Variants in AP4S1 observed in about 807,000 individuals in gnomAD.
AP4S1 encodes AP-4 complex subunit sigma-1.
AP4S1 carries 23 observed loss-of-function variants against 19.8 expected under a neutral mutation model. That is an observed-to-expected ratio of 1.16 (90% CI 0.84 to 1.65). AP4S1 has a LOEUF of 1.65. Among genes scored for constraint, AP4S1 ranks in the 40% most tolerant of loss-of-function variants. The pLI is 0.00. For synonymous variants in AP4S1, 46 were observed against 54.1 expected (o/e 0.85, Z 0.66); for missense variants, 166 against 172.8 (o/e 0.96, Z 0.22).
intron 5 of AP4S1, among the ~76,000 whole-genome samples, chr14:31,089,705 A>G (rs1437875875): frequency 6.6e-6 from 1 of 152,182 alleles, no homozygotes; most frequent in African/African-American, 2.4e-5. Context: ...ACTTGAGGTC[A>G]GGAGTTATAG....
chr14:31,052,225 T>C (rs1194057385), intron 1 of AP4S1, among the ~76,000 whole-genome samples: 2 of 151,998 alleles, frequency 1.3e-5, no homozygotes, highest in African/African-American at 2.4e-5. Flanking sequence ...TGAGCCATGA[T>C]TGCGCCACTG....
rs112190538 is a variant in AP4S1 at position 31,056,548 on chromosome 14, G to A, written c.-71-9578G>A. On this transcript the variant is annotated intron_variant, in intron 1 of 5. Transcript: ENST00000542754. ...TAATCTTTGTACTTTTAGTAGAGATGGGGTTTCGCCATGTTGGCCACACTG... is the reference window on the plus strand; with the variant it reads ...TAATCTTTGTACTTTTAGTAGAGATAGGGTTTCGCCATGTTGGCCACACTG... Among the ~76,000 whole-genome samples, 274 of 152,050 alleles carry A rather than the reference G, an allele frequency of 1.8e-3. 2 individuals carry two copies. The highest frequency in any genetic ancestry group is 6.1e-3 in the African/African-American group (253 of 41,474).
At chr14:31,061,445 C>G (rs755172724) in intron 1 of AP4S1, among the ~76,000 whole-genome samples, 1 of 152,084 alleles carries the variant, frequency 6.6e-6, no homozygotes, top group East Asian at 1.9e-4. Flanking sequence ...TTCTGACAGC[C>G]GAGCATTTAG....
chr14:31,025,878 C>T (rs1410505677), intron 1 of AP4S1, 91 bp downstream of exon 1: 1 of 1,589,520 alleles, frequency 6.3e-7, no homozygotes, highest in Non-Finnish European at 8.5e-7. Context: ...CGCCGCAGCT[C>T]CCGCACACCG....
At chr14:31,052,931 TA>T (rs1323083029) in intron 1 of AP4S1, among the ~76,000 whole-genome samples, 4 of 133,762 alleles carry the variant, frequency 3.0e-5, no homozygotes, top group African/African-American at 1.1e-4. Flanking sequence ...GTCAGTGTGC[TA>T]AATTTTTTTT....
chr14:31,084,191 C>T (rs971164817), intron 5 of AP4S1, among the ~76,000 whole-genome samples: 7 of 152,228 alleles, frequency 4.6e-5, no homozygotes, highest in African/African-American at 1.7e-4. Flanking sequence ...CCCTCCTTGT[C>T]AGCCCACATG....
intron 1 of AP4S1, among the ~76,000 whole-genome samples, chr14:31,033,882 G>A (rs934795165): frequency 6.6e-6 from 1 of 152,056 alleles, no homozygotes; most frequent in Non-Finnish European, 1.5e-5. Flanking sequence ...TTGTCTCCTG[G>A]GTATGAGTAA....
At chr14:31,072,560 A>C (rs541006129) in intron 3 of AP4S1, among the ~76,000 whole-genome samples, 69 of 151,956 alleles carry the variant, frequency 4.5e-4, no homozygotes, top group African/African-American at 1.4e-3. Flanking sequence ...TTATGGAGAC[A>C]GAGTCTCACT....
chr14:31,069,685 G>C (rs1886896394), intron 2 of AP4S1, among the ~76,000 whole-genome samples, 158 bp from the exon 3 acceptor site: 1 of 152,148 alleles, frequency 6.6e-6, no homozygotes, highest in African/African-American at 2.4e-5. Context: ...GTGGTCCCCT[G>C]AATATTGTGA....
chr14:31,039,312 A>C (rs1245460018), intron 1 of AP4S1, among the ~76,000 whole-genome samples: 1 of 150,454 alleles, frequency 6.6e-6, no homozygotes. Context: ...CAGCCTCCCA[A>C]ATAGCTGGGA....
intron 1 of AP4S1, among the ~76,000 whole-genome samples, chr14:31,036,862 G>C (rs775056835): frequency 2.5e-4 from 38 of 152,050 alleles, no homozygotes; most frequent in South Asian, 1.0e-3. Context: ...TCGCCAGGCT[G>C]GAGTGCAGTG....
chr14:31,064,910 C>T (rs1359145877), intron 1 of AP4S1, among the ~76,000 whole-genome samples: 1 of 152,076 alleles, frequency 6.6e-6, no homozygotes, highest in East Asian at 1.9e-4. Flanking sequence ...GCTGAGATTG[C>T]ACCACTGCAC....
In AP4S1 at chr14:31,066,649, G is replaced by A. The variant is rs568760269; in HGVS notation, c.138+315G>A. Among the ~76,000 whole-genome samples the A allele has an allele frequency of 3.3e-5, 5 of 152,172 alleles. No homozygotes were observed. The South Asian group carries it at 1.0e-3, about 32-fold the overall frequency. ...ACACCTCTTCTTTTTTCATTCCTAT[G>A]AATTCAGCCCTTGAAACTCTCATGA... On this transcript the variant is annotated intron_variant, in intron 2 of 5. Coordinates refer to ENST00000542754, the MANE Select transcript of AP4S1 (RefSeq NM_001128126.3).
At chr14:31,066,100 T>C in intron 1 of AP4S1, 26 bp from the exon 2 acceptor site, 1 of 1,170,872 alleles carries the variant, frequency 8.5e-7, no homozygotes, top group African/African-American at 1.5e-5. Flanking sequence ...CTTGCCTTTC[T>C]GGTTTTGTTT....
At chr14:31,063,079 T>C (rs1886528785) in intron 1 of AP4S1, among the ~76,000 whole-genome samples, 1 of 152,072 alleles carries the variant, frequency 6.6e-6, no homozygotes, top group South Asian at 2.1e-4. Flanking sequence ...GAGGACCCCT[T>C]GAGGCCAGGA....
intron 5 of AP4S1, among the ~76,000 whole-genome samples, chr14:31,089,304 C>T (rs1257832428): frequency 6.6e-6 from 1 of 152,104 alleles, no homozygotes; most frequent in Non-Finnish European, 1.5e-5. Flanking sequence ...TGGCCCTTGG[C>T]CACTTACCTA....
At chr14:31,058,187 C>T (rs1886228681) in intron 1 of AP4S1, among the ~76,000 whole-genome samples, 1 of 152,100 alleles carries the variant, frequency 6.6e-6, no homozygotes, top group Non-Finnish European at 1.5e-5. Flanking sequence ...ACCTTGGCCT[C>T]GCAAAGTGCT....
intron 4 of AP4S1, chr14:31,073,289 G>C (rs1268322093): frequency 1.3e-5 from 4 of 303,238 alleles, no homozygotes; most frequent in African/African-American, 2.2e-5. Context: ...AGGAGATGGA[G>C]ACCATCCTGG....
chr14:31,073,444 C>T (rs1447453182), intron 4 of AP4S1, among the ~76,000 whole-genome samples: 19 of 140,608 alleles, frequency 1.4e-4, no homozygotes, highest in East Asian at 6.4e-4. Context: ...GAGCCGAGAT[C>T]CCGCCACTGC....
Sources: allele counts gnomAD v4.1 joint callset (sites outside exome capture counted in the v4.1 genomes callset), GRCh38; gene constraint gnomAD v4.1.1; transcripts MANE v1.5; gene names NCBI Gene and HGNC (gene_info 2026-07-23, HGNC 2026-07-21).